The following AGAP1 variants were observed in gnomAD, a reference collection of about 807,000 sequenced individuals.
AGAP1 encodes ArfGAP with GTPase domain, ankyrin repeat and PH domain 1, also known as arf-GAP with GTPase, ANK repeat and PH domain-containing protein 1.
Under a neutral mutation model 105.3 loss-of-function variants are expected in AGAP1, and 29 were observed. The observed-to-expected ratio is 0.28, with a 90% CI of 0.21 to 0.38. The LOEUF is 0.38. Among genes scored for constraint, AGAP1 ranks in the 10% least tolerant of loss-of-function variants. AGAP1 has a pLI of 1.00. For synonymous variants in AGAP1, 509 were observed against 485.9 expected, an observed-to-expected ratio of 1.05 and a Z score of -0.63; for missense variants, 998 against 1,165.1, an observed-to-expected ratio of 0.86 and a Z score of 2.09.
rs1184785632 is a variant in AGAP1 at position 235,556,656 on chromosome 2, A to G, written c.163+61807A>G. Among the ~76,000 whole-genome samples the G allele has an allele frequency of 6.6e-6, 1 of 152,232 alleles. No individual in the cohort carries two copies. The highest frequency in any genetic ancestry group is 6.5e-5 in the Admixed American group (1 of 15,286). ...TCTCCCCTATGTGCAAGTAAATAACATGCTACTATATGTAAATTAACACAA... is the reference window on the plus strand; with the variant it reads ...TCTCCCCTATGTGCAAGTAAATAACGTGCTACTATATGTAAATTAACACAA... On this transcript the variant is annotated intron_variant, in intron 1 of 17. Coordinates refer to ENST00000304032, the MANE Select transcript of AGAP1 (RefSeq NM_001037131.3). This position sits in a 1 kb window ranked among gnomAD's most constrained non-coding sequence, Gnocchi z 5.3.
At chr2:235,785,058 A>G (rs1384273618) in intron 6 of AGAP1, among the ~76,000 whole-genome samples, 2 of 152,202 alleles carry the variant, frequency 1.3e-5, no homozygotes, top group African/African-American at 4.8e-5. Flanking sequence ...CTGCTGGCTC[A>G]TTATTAACAG....
At chr2:235,918,181 A>G (rs970186282) in intron 11 of AGAP1, among the ~76,000 whole-genome samples, 2 of 152,206 alleles carry the variant, frequency 1.3e-5, no homozygotes, top group African/African-American at 4.8e-5. Flanking sequence ...AGTTTTCCAC[A>G]CATTGGATCT....
rs954906003 is a variant in AGAP1, at chr2:235,600,464, G to A, written c.163+105615G>A. 6.6e-6 allele frequency among the ~76,000 whole-genome samples: 1 copy of A among 151,748 alleles called. No individual in the cohort carries two copies. Among genetic ancestry groups the A allele is most frequent in the Non-Finnish European group, 1.5e-5 (1 of 67,974 alleles). Reference sequence around the variant, plus strand: ...CTCATTACAGACCCCCACCATCCCCGCTGGATTAGGGTTCTCTAGAGGGAT... The same window carrying A: ...CTCATTACAGACCCCCACCATCCCCACTGGATTAGGGTTCTCTAGAGGGAT... On this transcript the variant is annotated intron_variant, in intron 1 of 17. Transcript: ENST00000304032. This position sits in a 1 kb window ranked among gnomAD's most constrained non-coding sequence, Gnocchi z 4.8.
intron 16 of AGAP1, among the ~76,000 whole-genome samples, chr2:236,069,258 G>C (rs191836334): frequency 6.6e-6 from 1 of 151,940 alleles, no homozygotes; most frequent in African/African-American, 2.4e-5. Flanking sequence ...TCGTGTACAC[G>C]TGACAATGCA....
chr2:235,662,101 C>A lies in AGAP1; in HGVS notation c.164-47078C>A, dbSNP rs550822563. ...GGAAAAGACCATGGCGCTGAGGAGGCGGCACGGCCTGGCCCTCCACCTCCA... is the reference window on the plus strand; with the variant it reads ...GGAAAAGACCATGGCGCTGAGGAGGAGGCACGGCCTGGCCCTCCACCTCCA... On this transcript the variant is annotated intron_variant, in intron 1 of 17. Coordinates refer to ENST00000304032, the MANE Select transcript of AGAP1 (RefSeq NM_001037131.3). This position sits in a 1 kb window ranked among gnomAD's most constrained non-coding sequence, Gnocchi z 4.2. 2.0e-5 allele frequency among the ~76,000 whole-genome samples: 3 copies of A among 152,250 alleles called. No homozygotes were observed. Among genetic ancestry groups the A allele is most frequent in the African/African-American group, 7.2e-5 (3 of 41,540 alleles).
rs76441134 is a variant in AGAP1 at position 235,751,156 on chromosome 2, G to A, written c.673+668G>A. Among the ~76,000 whole-genome samples, 88 of 152,298 alleles carry A rather than the reference G, an allele frequency of 5.8e-4. No individual in the cohort carries two copies. Among genetic ancestry groups the A allele is most frequent in the Non-Finnish European group, 1.1e-3 (76 of 68,034 alleles). Reference sequence around the variant, plus strand: ...ATAGCGCCAGACGTCGTCTATGAGAGAGGAGCCTGTGCAGATGCGTGGGGT... The same window carrying A: ...ATAGCGCCAGACGTCGTCTATGAGAAAGGAGCCTGTGCAGATGCGTGGGGT... On this transcript the variant is annotated intron_variant, in intron 6 of 17. Transcript: ENST00000304032. The surrounding 1 kb of genome is among the most constrained non-coding windows in gnomAD (Gnocchi z 5.3).
At chr2:236,077,126 GAAAAA>G (rs200778447) in intron 16 of AGAP1, among the ~76,000 whole-genome samples, 17,531 of 117,418 alleles carry the variant, frequency 0.15, 1,503 homozygotes, top group East Asian at 0.33. Flanking sequence ...AAAAAGAGTA[GAAAAA>G]AAAAAAAAAA....
At position 235,964,060 on chromosome 2, in the gene AGAP1, G is replaced by A. The variant is rs73118045; in HGVS notation, c.1484-4402G>A. Among the ~76,000 whole-genome samples, 2,928 of 152,284 alleles carry A rather than the reference G, an allele frequency of 0.019. 91 individuals are homozygous for A. Among genetic ancestry groups the A allele is most frequent in the African/African-American group, 0.067 (2,778 of 41,558 alleles). On this transcript the variant is annotated intron_variant, in intron 12 of 17. Coordinates refer to ENST00000304032, the MANE Select transcript of AGAP1 (RefSeq NM_001037131.3). This position sits in a 1 kb window ranked among gnomAD's most constrained non-coding sequence, Gnocchi z 4.6. The stretch of plus-strand genomic sequence containing the variant: ...AGGCGAGCACTGGTGGTTGCCCTGG[G>A]CACAGGCATGCTAGTTAGATTGAGA...
Position 235,494,741 on chromosome 2 carries a change from C to A in AGAP1, c.55C>A (p.Arg19Ser). The change falls in exon 1 of 18, where the codon CGC becomes AGC. Residue 19 changes from arginine to serine, a missense_variant. This residue lies in a region of AGAP1 where 735 missense variants were observed against 833.4 expected (regional missense o/e 0.88). Transcript: ENST00000304032. ...NSAAIRAEIQRFESVHPNIYS... is the reference protein window; with the variant it reads ...NSAAIRAEIQSFESVHPNIYS... The stretch of plus-strand genomic sequence containing the variant: ...GGCTGCCATCCGGGCCGAGATCCAG[C>A]GCTTCGAGTCGGTCCACCCCAACAT... 1 of 1,570,104 alleles carries A rather than the reference C, an allele frequency of 6.4e-7. No homozygotes were observed. Among genetic ancestry groups the A allele is most frequent in the Non-Finnish European group, 8.6e-7 (1 of 1,158,370 alleles).
rs1013322152 is a variant in AGAP1, at chr2:236,053,450, A to T, written c.2114+4169A>T. Among the ~76,000 whole-genome samples, 3 of 152,174 alleles carry T rather than the reference A, an allele frequency of 2.0e-5. No individual in the cohort carries two copies. The highest frequency in any genetic ancestry group is 6.5e-5 in the Admixed American group (1 of 15,288). On this transcript the variant is annotated intron_variant, in intron 16 of 17. Transcript: ENST00000304032. This position sits in a 1 kb window ranked among gnomAD's most constrained non-coding sequence, Gnocchi z 4.6. ...CATCCTCTCTCCCTCGCGGTACAGC[A>T]GTGTTTCCGGGGCTGCACGGCAGCG...
In AGAP1 at chr2:236,095,766, A is replaced by G. The variant is rs934435458; in HGVS notation, c.2115-24426A>G. Among the ~76,000 whole-genome samples, 49 of 152,366 alleles carry G rather than the reference A, an allele frequency of 3.2e-4. No individual in the cohort carries two copies. The Middle Eastern group carries it at 0.01, about 32-fold the overall frequency. Reference sequence around the variant, plus strand: ...GACATATGAAGAAGTATATTAGTTCAGGGCTAGATTATGGATAGTTGCACA... The same window carrying G: ...GACATATGAAGAAGTATATTAGTTCGGGGCTAGATTATGGATAGTTGCACA... On this transcript the variant is annotated intron_variant, in intron 16 of 17. Coordinates refer to ENST00000304032, the MANE Select transcript of AGAP1 (RefSeq NM_001037131.3). This position sits in a 1 kb window ranked among gnomAD's most constrained non-coding sequence, Gnocchi z 4.1.
At chr2:235,815,964 A>G (rs1263242190) in intron 9 of AGAP1, among the ~76,000 whole-genome samples, 2 of 152,150 alleles carry the variant, frequency 1.3e-5, no homozygotes, top group Non-Finnish European at 2.9e-5. Flanking sequence ...GCAGCTCCTC[A>G]GGGCCGCGGG....
intron 13 of AGAP1, among the ~76,000 whole-genome samples, chr2:235,975,896 C>A (rs780004832): frequency 2.0e-5 from 3 of 152,184 alleles, no homozygotes; most frequent in Non-Finnish European, 2.9e-5. Context: ...ATTTTTGATA[C>A]AATAAGGACT....
At chr2:235,745,112 A>T (rs555188675) in intron 5 of AGAP1, among the ~76,000 whole-genome samples, 2 of 152,112 alleles carry the variant, frequency 1.3e-5, no homozygotes, top group African/African-American at 4.8e-5. Flanking sequence ...CTGGAAAAAA[A>T]ATATATATGT....
rs1470073155 is a variant in AGAP1, at chr2:236,038,021, T to C, written c.1800+1306T>C. Reference sequence around the variant, plus strand: ...AGAAAGATGAAGTGTCTTATTTTATTACCCTCTTTAACCAGGGTAAACCAG... The same window carrying C: ...AGAAAGATGAAGTGTCTTATTTTATCACCCTCTTTAACCAGGGTAAACCAG... On this transcript the variant is annotated intron_variant, in intron 14 of 17. Coordinates refer to ENST00000304032, the MANE Select transcript of AGAP1 (RefSeq NM_001037131.3). This position sits in a 1 kb window ranked among gnomAD's most constrained non-coding sequence, Gnocchi z 4.5. Among the ~76,000 whole-genome samples, 1 of 152,232 alleles carries C rather than the reference T, an allele frequency of 6.6e-6. No individual in the cohort carries two copies. Among genetic ancestry groups the C allele is most frequent in the Non-Finnish European group, 1.5e-5 (1 of 68,038 alleles).
rs747051581 is a variant in AGAP1 at position 236,121,274 on chromosome 2, G to A, written c.2370+827G>A. Among the ~76,000 whole-genome samples the A allele has an allele frequency of 6.6e-6, 1 of 152,190 alleles. No homozygotes were observed. Among genetic ancestry groups the A allele is most frequent in the Non-Finnish European group, 1.5e-5 (1 of 68,042 alleles). On this transcript the variant is annotated intron_variant, in intron 17 of 17. Transcript: ENST00000304032. This position sits in a 1 kb window ranked among gnomAD's most constrained non-coding sequence, Gnocchi z 4.9. ...CAGCAGCATGGGTAGAGTGCAGCAG[G>A]TTTCTGCATGTTTTTGATCTGACTT...
At position 235,720,597 on chromosome 2, in the gene AGAP1, C is replaced by T. The variant is rs1276295151; in HGVS notation, c.310+2953C>T. On this transcript the variant is annotated intron_variant, in intron 3 of 17. Coordinates refer to ENST00000304032, the MANE Select transcript of AGAP1 (RefSeq NM_001037131.3). The surrounding 1 kb of genome is among the most constrained non-coding windows in gnomAD (Gnocchi z 5.0). ...CTCTTACAACTGCTAGAGCGATCAA[C>T]TGGGCAGCTACTTTGAATGAAAGGC... is the stretch of plus-strand genomic sequence containing the variant. 3.3e-6 allele frequency: 3 copies of T among 905,304 alleles called. No homozygotes were observed. Among genetic ancestry groups the T allele is most frequent in the Non-Finnish European group, 4.0e-6 (3 of 757,168 alleles). The allele number at this position is 905,304 out of a possible 1,614,324, so 56.1% of individuals were successfully genotyped here. A position where few individuals can be genotyped will look rare whatever the true frequency, so the allele number is the denominator to read the frequency against.
chr2:235,660,593 G>A lies in AGAP1; in HGVS notation c.164-48586G>A, dbSNP rs1575061980. Among the ~76,000 whole-genome samples the A allele has an allele frequency of 6.6e-6, 1 of 152,168 alleles. No individual in the cohort carries two copies. The highest frequency in any genetic ancestry group is 1.9e-4 in the East Asian group (1 of 5,152). On this transcript the variant is annotated intron_variant, in intron 1 of 17. Coordinates refer to ENST00000304032, the MANE Select transcript of AGAP1 (RefSeq NM_001037131.3). This position sits in a 1 kb window ranked among gnomAD's most constrained non-coding sequence, Gnocchi z 5.3. Reference sequence around the variant, plus strand: ...CAGGGCCAGCAGGGAAAGAGCTTGGGGACTCCTGAGTCCAGCTCCCAGTGA... The same window carrying A: ...CAGGGCCAGCAGGGAAAGAGCTTGGAGACTCCTGAGTCCAGCTCCCAGTGA...
rs189484496 is a variant in AGAP1, at chr2:236,105,616, C to T, written c.2115-14576C>T. Among the ~76,000 whole-genome samples the T allele has an allele frequency of 6.8e-4, 96 of 141,648 alleles. 1 individual carries two copies. The highest frequency in any genetic ancestry group is 8.1e-4 in the Non-Finnish European group (54 of 66,832). The allele number at this position is 141,648 out of a possible 152,430, so 92.9% of individuals were successfully genotyped here. On this transcript the variant is annotated intron_variant, in intron 16 of 17. Transcript: ENST00000304032. This position sits in a 1 kb window ranked among gnomAD's most constrained non-coding sequence, Gnocchi z 4.2. ...TGTCACCCAGGCTGCAGTGCAGTGG[C>T]GTGAACTCGGCTCACTGCAACCTCC...
Sources: gnomAD v4.1 joint callset for allele counts (sites outside exome capture counted in the v4.1 genomes callset) on GRCh38, gnomAD v4.1.1 for gene constraint, gnomAD v4.1.1 regional missense constraint, Gnocchi (gnomAD v3.1) non-coding constraint, MANE v1.5 for transcripts, NCBI Gene and HGNC (gene_info 2026-07-23, HGNC 2026-07-21) for gene names.